The following KAZN variants were observed in gnomAD, a reference collection of about 807,000 sequenced individuals.
KAZN encodes kazrin.
KAZN carries 40 observed loss-of-function variants against 87.4 expected under a neutral mutation model. The observed-to-expected ratio is 0.46, with a 90% CI of 0.36 to 0.60. The LOEUF is 0.60. KAZN is among the 20% of genes least tolerant of loss of function. The pLI, the probability that KAZN is intolerant of heterozygous loss-of-function variation, is 0.00. For synonymous variants in KAZN, 466 were observed against 458.3 expected (o/e 1.02, Z -0.22); for missense variants, 898 against 1,073.9 (o/e 0.84, Z 2.29).
At chr1:14,454,907 G>A (rs919841058) in intron 2 of KAZN, among the ~76,000 whole-genome samples, 4 of 152,134 alleles carry the variant, frequency 2.6e-5, no homozygotes, top group South Asian at 2.1e-4. Context: ...TGGCTCAATG[G>A]GATGCCTCAG....
chr1:13,904,410 C>T (rs1296146743), intron 1 of KAZN, among the ~76,000 whole-genome samples: 1 of 152,160 alleles, frequency 6.6e-6, no homozygotes, highest in Non-Finnish European at 1.5e-5. Context: ...AGGCCAGTCA[C>T]AGCTGAGATG....
Position 14,376,174 on chromosome 1 carries a change from C to T in KAZN, c.249+195582C>T, listed in dbSNP as rs1057384843. ...GGAATGTTACCATCTCAATCATCAT[C>T]GAAAGTATGCATTTAGCCCCCAAAT... On this transcript the variant is annotated intron_variant, in intron 2 of 16. Coordinates refer to the KAZN transcript ENST00000636203. 5.9e-5 allele frequency among the ~76,000 whole-genome samples: 9 copies of T among 152,234 alleles called. No homozygotes were observed. In the East Asian group the frequency reaches 1.2e-3, roughly 20 times the overall value.
chr1:14,011,596 C>T (rs1312400002), intron 1 of KAZN, among the ~76,000 whole-genome samples: 4 of 152,116 alleles, frequency 2.6e-5, no homozygotes. Flanking sequence ...ATTGCAGACT[C>T]TGTCGAGGGA....
intron 8 of KAZN, among the ~76,000 whole-genome samples, chr1:15,069,076 A>T (rs542184006): frequency 1.3e-5 from 2 of 151,962 alleles, no homozygotes; most frequent in East Asian, 3.9e-4. Flanking sequence ...ATTGAAGTGT[A>T]TTTAAATCTC....
chr1:15,058,430 CACCTGCTGGCAT>C (rs1175451539), intron 5 of KAZN, among the ~76,000 whole-genome samples: 1 of 152,258 alleles, frequency 6.6e-6, no homozygotes, highest in Non-Finnish European at 1.5e-5. Context: ...AATGCAACCC[CACCTGCTGGCAT>C]GCCGCCTGCA....
At chr1:15,103,267 G>T (rs914207507) in intron 11 of KAZN, 92 bp from the exon 12 acceptor site, 1 of 886,080 alleles carries the variant, frequency 1.1e-6, no homozygotes, top group Non-Finnish European at 1.8e-6. Context: ...ACTCTGTCTC[G>T]GGGGGAAAAA....
At chr1:14,714,767 ATTTTTCTTTTTTC>A in intron 1 of KAZN, among the ~76,000 whole-genome samples, 1 of 125,302 alleles carries the variant, frequency 8.0e-6, no homozygotes, top group East Asian at 2.3e-4. Context: ...AAAAGACAGT[ATTTTTCTTTTTTC>A]TTTTTCTTTT....
intron 2 of KAZN, among the ~76,000 whole-genome samples, chr1:14,278,466 T>C (rs1652574506): frequency 6.6e-6 from 1 of 151,894 alleles, no homozygotes; most frequent in Admixed American, 6.6e-5. Flanking sequence ...ATTTTTGTAT[T>C]TTTAATAGAG....
intron 2 of KAZN, among the ~76,000 whole-genome samples, chr1:14,448,732 T>C (rs1353336131): frequency 6.6e-6 from 1 of 151,914 alleles, no homozygotes; most frequent in Non-Finnish European, 1.5e-5. Flanking sequence ...CAACACGGAG[T>C]TGGGCGAGGG....
chr1:14,108,642 T>C (rs1644431732), intron 1 of KAZN, among the ~76,000 whole-genome samples: 1 of 152,142 alleles, frequency 6.6e-6, no homozygotes, highest in African/African-American at 2.4e-5. Flanking sequence ...GGGAGCAGAA[T>C]TGGCCTCTAT....
chr1:14,034,431 T>C (rs1641459125), intron 1 of KAZN, among the ~76,000 whole-genome samples: 1 of 152,218 alleles, frequency 6.6e-6, no homozygotes, highest in Non-Finnish European at 1.5e-5. Flanking sequence ...GATTTCTTTT[T>C]CATGGGGCCA....
At chr1:14,309,811 A>G (rs544683195) in intron 2 of KAZN, among the ~76,000 whole-genome samples, 3 of 152,020 alleles carry the variant, frequency 2.0e-5, no homozygotes, top group Non-Finnish European at 4.4e-5. Context: ...GGCTCAAAGG[A>G]TCCTCCCACC....
intron 2 of KAZN, among the ~76,000 whole-genome samples, chr1:14,396,394 C>G (rs1662905382): frequency 6.6e-6 from 1 of 152,162 alleles, no homozygotes; most frequent in Admixed American, 6.5e-5. Context: ...AAGACTATGA[C>G]CCGTGGCTTA....
At chr1:14,849,675 T>G (rs61772357) in intron 1 of KAZN, among the ~76,000 whole-genome samples, 8,252 of 152,280 alleles carry the variant, frequency 0.054, 328 homozygotes, top group Admixed American at 0.11. Flanking sequence ...AAAGGACACA[T>G]TTAAGAGCTT....
intron 1 of KAZN, chr1:14,924,428 G>T: frequency 2.0e-6 from 2 of 988,350 alleles, no homozygotes; most frequent in Non-Finnish European, 2.4e-6. Context: ...GGGCGAGCCG[G>T]CGCCTTCCTG....
intron 2 of KAZN, among the ~76,000 whole-genome samples, chr1:14,319,008 ATT>A (rs1040346321): frequency 2.4e-5 from 3 of 125,752 alleles, no homozygotes; most frequent in East Asian, 4.5e-4. Flanking sequence ...TTGACCTTTT[ATT>A]TTTATTTATT....
intron 4 of KAZN, among the ~76,000 whole-genome samples, chr1:15,045,660 A>C (rs2100358381): frequency 6.6e-6 from 1 of 152,360 alleles, no homozygotes; most frequent in Admixed American, 6.5e-5. Context: ...TATAAAGGAA[A>C]GAGGTTTAAT....
intron 1 of KAZN, among the ~76,000 whole-genome samples, chr1:14,141,426 T>C (rs1422487819): frequency 6.6e-6 from 1 of 151,676 alleles, no homozygotes; most frequent in Admixed American, 6.6e-5. Context: ...CCCCATAGGT[T>C]TCTTCGGGGG....
At chr1:14,013,293 A>C (rs1640406904) in intron 1 of KAZN, among the ~76,000 whole-genome samples, 1 of 152,210 alleles carries the variant, frequency 6.6e-6, no homozygotes, top group Admixed American at 6.5e-5. Context: ...GGATTTTTTC[A>C]AACAGGCAGG....
Sources: gnomAD v4.1 joint callset for allele counts (sites outside exome capture counted in the v4.1 genomes callset) on GRCh38, gnomAD v4.1.1 for gene constraint, MANE v1.5 for transcripts, NCBI Gene and HGNC (gene_info 2026-07-23, HGNC 2026-07-21) for gene names.